Variants in C1orf105 observed in about 807,000 individuals in gnomAD.
The protein encoded by C1orf105 is uncharacterized protein C1orf105.
C1orf105 carries 17 observed loss-of-function variants against 20.8 expected under a neutral mutation model. That is an observed-to-expected ratio of 0.82 (90% CI 0.56 to 1.23). The LOEUF is 1.23. Among genes scored for constraint, C1orf105 ranks in the 50% most tolerant of loss-of-function variants. The pLI, the probability that C1orf105 is intolerant of heterozygous loss-of-function variation, is 0.00. For synonymous variants in C1orf105, 72 were observed against 72.1 expected (o/e 1.00, Z 0.01); for missense variants, 219 against 213.5 (o/e 1.03, Z -0.16).
At chr1:172,421,062 G>T (rs1393311360) in intron 1 of C1orf105, among the ~76,000 whole-genome samples, 156 bp downstream of exon 1, 1 of 152,212 alleles carries the variant, frequency 6.6e-6, no homozygotes, top group African/African-American at 2.4e-5. Flanking sequence ...AACAGCTGAT[G>T]TTCAGTTACA....
At chr1:172,446,081 T>TA (rs906141743) in intron 2 of C1orf105, among the ~76,000 whole-genome samples, 18 of 151,678 alleles carry the variant, frequency 1.2e-4, no homozygotes, top group African/African-American at 2.9e-4. Context: ...TACTGTACAT[T>TA]AAAAAAAAAT....
At position 172,468,676 on chromosome 1, in the gene C1orf105, T is replaced by A; in HGVS notation, c.*82T>A. On this transcript the variant is annotated 3_prime_UTR_variant, in exon 7 of 7. Transcript: ENST00000367727. ...AATCTTTGACACTGGCACCTTCTCC[T>A]CACAATTTTCTCTCTTCTCCCAAAA... 1 of 1,422,730 alleles carries A rather than the reference T, an allele frequency of 7.0e-7. No individual in the cohort carries two copies. The highest frequency in any genetic ancestry group is 2.3e-5 in the East Asian group (1 of 43,256). 88.1% of individuals were successfully genotyped at this position (1,422,730 alleles called of 1,614,324 possible). A position where few individuals can be genotyped will look rare whatever the true frequency, so the allele number is the denominator to read the frequency against.
intron 1 of C1orf105, among the ~76,000 whole-genome samples, chr1:172,429,137 T>C (rs1254237695): frequency 1.3e-5 from 2 of 152,170 alleles, no homozygotes; most frequent in East Asian, 3.8e-4. Context: ...CCTTAGGCAA[T>C]ACTTAACCCA....
chr1:172,421,025 T>G, intron 1 of C1orf105, 119 bp downstream of exon 1: 2 of 917,562 alleles, frequency 2.2e-6, no homozygotes, highest in African/African-American at 1.7e-5. Context: ...ATCCTAGAAG[T>G]TGAAAGCCAA....
intron 1 of C1orf105, chr1:172,430,165 C>G (rs2071831194): frequency 2.0e-6 from 1 of 495,580 alleles, no homozygotes; most frequent in Non-Finnish European, 3.6e-6. Flanking sequence ...AACTCTAAAT[C>G]ATTCATATTC....
intron 4 of C1orf105, among the ~76,000 whole-genome samples, chr1:172,460,364 T>C (rs114710829): frequency 2.0e-5 from 3 of 152,086 alleles, no homozygotes; most frequent in African/African-American, 4.8e-5. Context: ...CTGACAGTTA[T>C]GGTTGTGAAT....
At chr1:172,428,585 G>C (rs540444273) in intron 1 of C1orf105, among the ~76,000 whole-genome samples, 34 of 152,262 alleles carry the variant, frequency 2.2e-4, no homozygotes, top group Non-Finnish European at 3.5e-4. Flanking sequence ...CTTCCCCAGG[G>C]AATCTGAATT....
At chr1:172,422,636 T>C (rs780847186) in intron 1 of C1orf105, among the ~76,000 whole-genome samples, 1 of 151,854 alleles carries the variant, frequency 6.6e-6, no homozygotes, top group Non-Finnish European at 1.5e-5. Context: ...GTCTTGAGCT[T>C]AGGTACCAGC....
chr1:172,463,781 C>T (rs1649856821), intron 5 of C1orf105, among the ~76,000 whole-genome samples: 2 of 152,160 alleles, frequency 1.3e-5, no homozygotes, highest in South Asian at 4.1e-4. Flanking sequence ...TAGCTCTTAT[C>T]CCTTTAAAAG....
chr1:172,445,390 C>G (rs115755461), intron 2 of C1orf105, among the ~76,000 whole-genome samples: 2,004 of 152,306 alleles, frequency 0.013, 58 homozygotes, highest in African/African-American at 0.046. Flanking sequence ...ACCACTACCA[C>G]TCAACAGTAT....
intron 3 of C1orf105, among the ~76,000 whole-genome samples, chr1:172,450,183 C>T (rs776070074): frequency 3.3e-5 from 5 of 152,238 alleles, no homozygotes; most frequent in Non-Finnish European, 7.3e-5. Context: ...GTGAGAAGTC[C>T]CAAATAGGTT....
In C1orf105 at chr1:172,442,626, C is replaced by A. The variant is rs535366221; in HGVS notation, c.22-2447C>A. On this transcript the variant is annotated intron_variant, in intron 1 of 6. Coordinates refer to ENST00000367727, the MANE Select transcript of C1orf105 (RefSeq NM_139240.4). ...TAGTCACAGGTTGAGCATACATTAT[C>A]CTTTCATTCAAACTCAGGCCAGTTT... is the stretch of plus-strand genomic sequence containing the variant. 2.5e-6 allele frequency: 4 copies of A among 1,603,912 alleles called. No homozygotes were observed. In the East Asian group the frequency reaches 9.0e-5, roughly 36 times the overall value.
intron 3 of C1orf105, among the ~76,000 whole-genome samples, chr1:172,451,842 A>AAAT (rs1648675779): frequency 6.6e-6 from 1 of 150,438 alleles, no homozygotes; most frequent in Non-Finnish European, 1.5e-5. Flanking sequence ...TATGTGGTAG[A>AAAT]AATAATTCTG....
At chr1:172,463,559 C>T (rs570494626) in intron 5 of C1orf105, among the ~76,000 whole-genome samples, 26 of 152,254 alleles carry the variant, frequency 1.7e-4, no homozygotes, top group Non-Finnish European at 3.4e-4. Context: ...TTTTAAAGAG[C>T]TCTTATATGA....
At chr1:172,465,862 A>C (rs1043982233) in intron 6 of C1orf105, among the ~76,000 whole-genome samples, 1 of 152,204 alleles carries the variant, frequency 6.6e-6, no homozygotes. Context: ...AAGCAGCTCT[A>C]TTTCAGGCTT....
At chr1:172,443,831 G>A (rs1573858315) in intron 1 of C1orf105, 2 of 377,802 alleles carry the variant, frequency 5.3e-6, no homozygotes, top group African/African-American at 4.4e-5. Context: ...AGGGTAGGGT[G>A]ACCCCAGGGT....
At position 172,468,752 on chromosome 1, in the gene C1orf105, C is replaced by T. The variant is rs1421961213; in HGVS notation, c.*158C>T. 4 of 675,954 alleles carry T rather than the reference C, an allele frequency of 5.9e-6. No individual in the cohort carries two copies. The highest frequency in any genetic ancestry group is 9.6e-6 in the Non-Finnish European group (4 of 418,136). The allele number at this position is 675,954 out of a possible 1,614,324, so 41.9% of individuals were successfully genotyped here. On this transcript the variant is annotated 3_prime_UTR_variant, in exon 7 of 7. Coordinates refer to ENST00000367727, the MANE Select transcript of C1orf105 (RefSeq NM_139240.4). ...ATTGCTGGTATTCTAGCTCTTACCT[C>T]TATGTTCTTTCTCACGTCTCCTAAA...
At chr1:172,460,905 T>C (rs1242907074) in intron 4 of C1orf105, among the ~76,000 whole-genome samples, 1 of 152,224 alleles carries the variant, frequency 6.6e-6, no homozygotes, top group Non-Finnish European at 1.5e-5. Flanking sequence ...GGCAGCTTTG[T>C]TCTGATGCAG....
At chr1:172,444,836 T>C (rs1573860986) in intron 1 of C1orf105, among the ~76,000 whole-genome samples, 1 of 152,212 alleles carries the variant, frequency 6.6e-6, no homozygotes, top group East Asian at 1.9e-4. Context: ...ACATGACCCA[T>C]TTACTAGCTC....
Sources: gnomAD v4.1 joint callset for allele counts (sites outside exome capture counted in the v4.1 genomes callset) on GRCh38, gnomAD v4.1.1 for gene constraint, MANE v1.5 for transcripts, NCBI Gene and HGNC (gene_info 2026-07-23, HGNC 2026-07-21) for gene names.